PTGER3: variants seen among roughly 807,000 people sequenced by gnomAD.
The protein encoded by PTGER3 is prostaglandin E receptor 3.
PTGER3 carries 22 observed loss-of-function variants against 34.7 expected under a neutral mutation model. That is an observed-to-expected ratio of 0.63 (90% confidence interval 0.45 to 0.91). PTGER3 has a LOEUF of 0.91. Ranked by LOEUF, PTGER3 falls within the 40% of genes least tolerant of loss-of-function variation. The pLI, the probability that PTGER3 is intolerant of heterozygous loss-of-function variation, is 0.00. For synonymous variants in PTGER3, 241 were observed against 230.1 expected (o/e 1.05, Z -0.43); for missense variants, 468 against 519.4 (o/e 0.90, Z 0.96).
chr1:71,001,778 C>T (rs1656516733), intron 2 of PTGER3, among the ~76,000 whole-genome samples: 1 of 152,196 alleles, frequency 6.6e-6, no homozygotes, highest in African/African-American at 2.4e-5. Context: ...TTCACACATC[C>T]TGTCTGTGAC....
intron 4 of PTGER3, among the ~76,000 whole-genome samples, chr1:70,863,477 G>C (rs1645973398): frequency 6.6e-6 from 1 of 152,082 alleles, no homozygotes; most frequent in Non-Finnish European, 1.5e-5. Flanking sequence ...AGAAAATTTT[G>C]ACTCTAGTAA....
chr1:70,865,937 C>T (rs1003238014), intron 4 of PTGER3: 31 of 582,588 alleles, frequency 5.3e-5, no homozygotes, highest in East Asian at 4.1e-4. Flanking sequence ...GACTGTCATC[C>T]GGGAAATTCC....
intron 2 of PTGER3, among the ~76,000 whole-genome samples, chr1:70,994,837 AAATC>A (rs1202026719): frequency 6.6e-6 from 1 of 152,100 alleles, no homozygotes; most frequent in African/African-American, 2.4e-5. Context: ...TTGGTCATTT[AAATC>A]AATTTAATAA....
At chr1:70,942,410 A>G (rs533545543) in intron 4 of PTGER3, among the ~76,000 whole-genome samples, 3 of 152,248 alleles carry the variant, frequency 2.0e-5, no homozygotes, top group African/African-American at 7.2e-5. Context: ...TTATAATTCA[A>G]TCCTTAATTA....
chr1:70,996,639 T>TTTTATTTATTTATTTATTTA (rs763272005), intron 2 of PTGER3, among the ~76,000 whole-genome samples: 4,362 of 122,604 alleles, frequency 0.036, 136 homozygotes, highest in Middle Eastern at 0.047. Flanking sequence ...TTTTTTGTAT[T>TTTTATTTATTTATTTATTTA]TTTATTTATT....
chr1:70,981,311 CCTTCCTTTCTTCTTTCTTTCTTTCTTTCT>C (rs1557708509), intron 2 of PTGER3, among the ~76,000 whole-genome samples: 7 of 62,248 alleles, frequency 1.1e-4, no homozygotes, highest in Non-Finnish European at 1.7e-4. Flanking sequence ...TTCCTTCCTT[CCTTCCTTTCTTCTTTCTTTCTTTCTTTCT>C]TTCTTTCTTT....
chr1:70,931,894 T>A (rs1360208639), intron 4 of PTGER3, among the ~76,000 whole-genome samples: 4 of 152,202 alleles, frequency 2.6e-5, no homozygotes, highest in African/African-American at 9.6e-5. Context: ...TTATACAAAT[T>A]TCTGCAGCCA....
chr1:70,958,529 T>G (rs115834851), intron 2 of PTGER3, among the ~76,000 whole-genome samples: 2,696 of 152,304 alleles, frequency 0.018, 47 homozygotes, highest in Non-Finnish European at 0.026. Context: ...TCTGATTTTT[T>G]GGGTTTTGGC....
intron 4 of PTGER3, among the ~76,000 whole-genome samples, chr1:70,923,807 CT>C (rs1276032364): frequency 1.3e-5 from 2 of 152,192 alleles, no homozygotes; most frequent in Admixed American, 1.3e-4. Flanking sequence ...AATTTGGAAA[CT>C]ATCTGTGAAT....
intron 2 of PTGER3, among the ~76,000 whole-genome samples, chr1:70,961,814 G>A (rs575932889): frequency 6.6e-6 from 1 of 152,304 alleles, no homozygotes; most frequent in Admixed American, 6.5e-5. Context: ...ACTCTTTAGA[G>A]AACAATTAGA....
Position 70,994,978 on chromosome 1 carries a change from A to C in PTGER3, c.1077+17327T>G, listed in dbSNP as rs558197811. Among the ~76,000 whole-genome samples the C allele has an allele frequency of 1.0e-3, 155 of 152,246 alleles. 1 individual carries two copies. The Middle Eastern group carries it at 0.01, about 10-fold the overall frequency. On this transcript the variant is annotated intron_variant, in intron 2 of 3. Coordinates refer to ENST00000306666, the MANE Select transcript of PTGER3 (RefSeq NM_198719.2). ...ATTAAAATGATGTGTCTTTCATTCA[A>C]GAAGGTAACCATCCAGTGGGGGAGC...
intron 3 of PTGER3, among the ~76,000 whole-genome samples, chr1:70,973,121 CGTGTGTGTGTGT>C (rs71898506): frequency 1.4e-5 from 2 of 143,852 alleles, no homozygotes; most frequent in Non-Finnish European, 3.0e-5. Flanking sequence ...CCAGTGTGCA[CGTGTGTGTGTGT>C]GTGTGTGTGT....
intron 4 of PTGER3, among the ~76,000 whole-genome samples, chr1:70,916,059 A>T (rs191457887): frequency 7.2e-5 from 11 of 152,058 alleles, no homozygotes; most frequent in East Asian, 5.8e-4. Context: ...AACCCAATTT[A>T]AAAAAATGAG....
At chr1:70,942,376 T>C (rs1649840752) in intron 4 of PTGER3, among the ~76,000 whole-genome samples, 1 of 152,198 alleles carries the variant, frequency 6.6e-6, no homozygotes, top group Non-Finnish European at 1.5e-5. Context: ...AACCATAATT[T>C]AGCCCATCTC....
At chr1:71,009,559 T>C (rs1478018810) in intron 2 of PTGER3, 1 of 985,038 alleles carries the variant, frequency 1.0e-6, no homozygotes, top group East Asian at 1.1e-4. Flanking sequence ...CATTCTTCTC[T>C]GTGACTCAGC....
intron 4 of PTGER3, among the ~76,000 whole-genome samples, chr1:70,877,810 T>G (rs1465378571): frequency 6.6e-6 from 1 of 152,150 alleles, no homozygotes. Context: ...TACTACATCA[T>G]AGTGGATTAG....
At chr1:70,870,044 C>T (rs1646129857) in intron 4 of PTGER3, among the ~76,000 whole-genome samples, 2 of 152,188 alleles carry the variant, frequency 1.3e-5, no homozygotes, top group South Asian at 2.1e-4. Context: ...TGAGGGCTCA[C>T]TCTGATAAGC....
At position 70,857,407 on chromosome 1, in the gene PTGER3, T is replaced by A. The variant is rs919243885; in HGVS notation, c.*24-4548A>T. Among the ~76,000 whole-genome samples the A allele has an allele frequency of 7.2e-5, 11 of 151,940 alleles. No homozygotes were observed. In the East Asian group the frequency reaches 1.9e-3, roughly 27 times the overall value. Reference sequence around the variant, plus strand: ...GATGAGAAATCCACTGTCATTCAAATTTTTTTTTCCCCTGATAGTTCAGGT... The same window carrying A: ...GATGAGAAATCCACTGTCATTCAAAATTTTTTTTCCCCTGATAGTTCAGGT... On this transcript the variant is annotated intron_variant, in intron 4 of 4. Coordinates refer to the PTGER3 transcript ENST00000370931.
chr1:70,876,231 T>C (rs1646269209), intron 4 of PTGER3, among the ~76,000 whole-genome samples: 1 of 152,046 alleles, frequency 6.6e-6, no homozygotes, highest in African/African-American at 2.4e-5. Context: ...GCCATGTGTA[T>C]GTCTTCTTTT....
Sources: gnomAD v4.1 joint callset for allele counts (sites outside exome capture counted in the v4.1 genomes callset) on GRCh38, gnomAD v4.1.1 for gene constraint, MANE v1.5 for transcripts, NCBI Gene and HGNC (gene_info 2026-07-23, HGNC 2026-07-21) for gene names.